Variants in C1QTNF6 observed in about 807,000 individuals in gnomAD.
The protein encoded by C1QTNF6 is complement C1q tumor necrosis factor-related protein 6.
A neutral mutation model predicts 20.7 loss-of-function variants in C1QTNF6; 17 were observed. The ratio of observed to expected loss-of-function variants is 0.82; its 90% CI spans 0.56 to 1.23. The LOEUF (loss-of-function observed/expected upper bound fraction) is 1.23. Ranked by LOEUF, C1QTNF6 falls within the 50% of genes most tolerant of loss-of-function variation. C1QTNF6 has a pLI of 0.00. For missense variants in C1QTNF6, 329 were observed against 389.7 expected, an observed-to-expected ratio of 0.84 and a Z score of 1.31; for synonymous variants, 130 against 156.3, an observed-to-expected ratio of 0.83 and a Z score of 1.25.
intron 1 of C1QTNF6, 200 bp from the exon 2 acceptor site, chr22:37,185,655 T>C: frequency 7.8e-7 from 1 of 1,285,634 alleles, no homozygotes; most frequent in Non-Finnish European, 9.8e-7. Context: ...GGGAGGAGAC[T>C]GGCAGGGCAG....
chr22:37,184,160 G>A lies in C1QTNF6; in HGVS notation c.289+1058C>T, dbSNP rs780847126. On this transcript the variant is annotated intron_variant, in intron 2 of 2. Coordinates refer to ENST00000337843, the MANE Select transcript of C1QTNF6 (RefSeq NM_031910.4). This position sits in a 1 kb window ranked among gnomAD's most constrained non-coding sequence, Gnocchi z 4.0. The stretch of plus-strand genomic sequence containing the variant: ...GGAGGGGGGTGTGAGGAAGAGCAAC[G>A]TCCTCACCACGAAATCAGAACAAGG... Among the ~76,000 whole-genome samples the A allele has an allele frequency of 5.9e-5, 9 of 152,108 alleles. No homozygotes were observed. Among genetic ancestry groups the A allele is most frequent in the East Asian group, 3.9e-4 (2 of 5,190 alleles).
rs775910598 is a variant in C1QTNF6 at position 37,185,335 on chromosome 22, G to C, written c.172C>G (p.Arg58Gly). Residue 58 changes from arginine to glycine, a missense_variant, in exon 2 of 3, where the codon CGG (arginine) becomes GGG (glycine). By Grantham distance (125) the Arg-to-Gly change is moderately radical. Coordinates refer to ENST00000337843, the MANE Select transcript of C1QTNF6 (RefSeq NM_031910.4). ...AGGGGGTCCTCAGAGTCACAGCACC[G>C]TTGGCAGCCGCTGGCCACAGCTCTG... ...FDRAVASGCQ[R>G]CCDSEDPLDP... 2 of 1,613,492 alleles carry C rather than the reference G, an allele frequency of 1.2e-6. No homozygotes were observed. Among genetic ancestry groups the C allele is most frequent in the Non-Finnish European group, 1.7e-6 (2 of 1,179,888 alleles).
intron 1 of C1QTNF6, 68 bp from the exon 2 acceptor site, chr22:37,185,523 T>C: frequency 6.8e-7 from 1 of 1,469,530 alleles, no homozygotes; most frequent in Non-Finnish European, 9.0e-7. Flanking sequence ...ATGCCTGGGG[T>C]GGGCGGGTGC....
chr22:37,186,701 T>C (rs1029198852), intron 1 of C1QTNF6, among the ~76,000 whole-genome samples: 1 of 152,244 alleles, frequency 6.6e-6, no homozygotes, highest in Non-Finnish European at 1.5e-5. Flanking sequence ...TTCTGGGGGC[T>C]GGTGCCGAGT....
Position 37,182,307 on chromosome 22 carries a change from A to AGCATCACACTCT in C1QTNF6, c.717_718insAGAGTGTGATGC (p.Ala239_Tyr240insArgValTer). ...AGCCGCACCCAGACGCGGTCCCCGT[A>AGCATCACACTCT]GGCCAGGTCCAGCATCACACTCTGG... is the stretch of plus-strand genomic sequence containing the variant. On this transcript the variant is annotated stop_gained and inframe_insertion, in exon 3 of 3. Coordinates refer to ENST00000337843, the MANE Select transcript of C1QTNF6 (RefSeq NM_031910.4). LOFTEE classifies it high-confidence loss of function. The AGCATCACACTCT allele has an allele frequency of 6.2e-7, 1 of 1,614,230 alleles. No homozygotes were observed. The highest frequency in any genetic ancestry group is 8.5e-7 in the Non-Finnish European group (1 of 1,180,038).
At chr22:37,197,044 G>A (rs1275688591) in intron 1 of C1QTNF6, 1 of 152,258 alleles carries the variant, frequency 6.6e-6, no homozygotes, top group Non-Finnish European at 1.5e-5. Flanking sequence ...TCACATGGCA[G>A]ACTACAATCC....
At chr22:37,187,056 T>C (rs4820270) in intron 1 of C1QTNF6, among the ~76,000 whole-genome samples, 1 of 151,828 alleles carries the variant, frequency 6.6e-6, no homozygotes, top group Non-Finnish European at 1.5e-5. Flanking sequence ...TCTCTATTTT[T>C]CAAAAATTAA....
upstream of C1QTNF6, chr22:37,188,323 G>GATGGAGA: frequency 1.2e-6 from 1 of 856,476 alleles, no homozygotes; most frequent in Non-Finnish European, 1.7e-6. Context: ...GAGGGCGGAG[G>GATGGAGA]GAGGGCGGAG....
At chr22:37,189,882 T>C (rs13054971), upstream of C1QTNF6, among the ~76,000 whole-genome samples, 20,223 of 152,184 alleles carry the variant, frequency 0.13, 1,574 homozygotes, top group Non-Finnish European at 0.19. Context: ...TCGGGTAAAA[T>C]GAGGCTGAGA....
At chr22:37,193,737 G>A (rs533306273) in intron 2 of C1QTNF6, among the ~76,000 whole-genome samples, 33 of 152,334 alleles carry the variant, frequency 2.2e-4, no homozygotes, top group African/African-American at 7.9e-4. Context: ...TCAAAGAGGT[G>A]ATAAGCAGTT....
rs1923676436 is a variant in C1QTNF6 at position 37,180,647 on chromosome 22, G to A, written c.*1541C>T. On this transcript the variant is annotated 3_prime_UTR_variant, in exon 3 of 3. Transcript: ENST00000337843. Reference sequence around the variant, plus strand: ...ACCCGGGCCTTAGCACCTTGATAAAGCCTGGAGAGTCGGGGCACTGGGCCG... The same window carrying A: ...ACCCGGGCCTTAGCACCTTGATAAAACCTGGAGAGTCGGGGCACTGGGCCG... 1 of 152,724 alleles carries A rather than the reference G, an allele frequency of 6.5e-6. No individual in the cohort carries two copies. The highest frequency in any genetic ancestry group is 2.1e-4 in the South Asian group (1 of 4,856). The allele number at this position is 152,724 out of a possible 1,614,324, so 9.5% of individuals were successfully genotyped here. A position where few individuals can be genotyped will look rare whatever the true frequency, so the allele number is the denominator to read the frequency against.
chr22:37,195,211 G>C (rs1925068982), intron 2 of C1QTNF6, among the ~76,000 whole-genome samples: 1 of 152,218 alleles, frequency 6.6e-6, no homozygotes, highest in Non-Finnish European at 1.5e-5. Flanking sequence ...ACATGACCGA[G>C]GGGGACCTCT....
Position 37,182,558 on chromosome 22 carries a change from C to T in C1QTNF6, c.467G>A (p.Ser156Asn), listed in dbSNP as rs1416335869. Residue 156 changes from serine (S) to asparagine (N), a missense_variant, in exon 3 of 3, where the codon AGC (serine) becomes AAC (asparagine). Ser to Asn is a conservative substitution (Grantham distance 46). Transcript: ENST00000337843. Reference protein sequence around the residue: ...FSVGRKTALHSGEDFQTLLFE... With the variant: ...FSVGRKTALHNGEDFQTLLFE... Reference sequence around the variant, plus strand: ...GAGCAGCGTCTGGAAGTCCTCGCCGCTGTGCAGGGCCGTCTTGCGGCCCAC... The same window carrying T: ...GAGCAGCGTCTGGAAGTCCTCGCCGTTGTGCAGGGCCGTCTTGCGGCCCAC... The T allele has an allele frequency of 1.9e-6, 3 of 1,614,192 alleles. No individual in the cohort carries two copies. The highest frequency in any genetic ancestry group is 2.5e-6 in the Non-Finnish European group (3 of 1,180,048).
At chr22:37,185,896 G>C (rs1342826844) in intron 1 of C1QTNF6, 2 of 987,162 alleles carry the variant, frequency 2.0e-6, no homozygotes, top group African/African-American at 1.7e-5. Flanking sequence ...TCTTGCCACC[G>C]ACTCCACTAT....
intron 2 of C1QTNF6, among the ~76,000 whole-genome samples, chr22:37,183,535 G>A (rs895567768): frequency 6.6e-6 from 1 of 152,236 alleles, no homozygotes; most frequent in Non-Finnish European, 1.5e-5. Context: ...GACCACCCAC[G>A]CCTGGAGGGA....
At chr22:37,192,615 C>T (rs141812297), upstream of C1QTNF6, among the ~76,000 whole-genome samples, 223 of 152,338 alleles carry the variant, frequency 1.5e-3, 2 homozygotes, top group African/African-American at 5.1e-3. Flanking sequence ...TTTAATGTTA[C>T]TGATAATCTT....
In C1QTNF6 at chr22:37,188,169, T is replaced by C; in HGVS notation, c.45A>G (p.Gly15=). The stretch of plus-strand genomic sequence containing the variant: ...GGAGCCTCTGGTCACTCACCCTGTG[T>C]CCTGTGGCCTCCCCAGGCGACTCAC... ...RVRESPGEAT[G]HRVTMGTAAL... is the part of the protein sequence containing the mutation. Residue 15 remains glycine (G), a synonymous_variant, in exon 1 of 3, where the codon GGA becomes GGG. Coordinates refer to ENST00000337843, the MANE Select transcript of C1QTNF6 (RefSeq NM_031910.4). 6.2e-7 allele frequency: 1 copy of C among 1,610,348 alleles called. No individual in the cohort carries two copies. The highest frequency in any genetic ancestry group is 8.5e-7 in the Non-Finnish European group (1 of 1,178,310).
intron 2 of C1QTNF6, among the ~76,000 whole-genome samples, chr22:37,193,914 G>GT (rs1924970554): frequency 6.6e-6 from 1 of 152,254 alleles, no homozygotes; most frequent in African/African-American, 2.4e-5. Flanking sequence ...GGTCCCCAGT[G>GT]TGAAGAGACA....
Position 37,182,601 on chromosome 22 carries a change from G to C in C1QTNF6, c.424C>G (p.Arg142Gly). 1 of 1,613,884 alleles carries C rather than the reference G, an allele frequency of 6.2e-7. No homozygotes were observed. The highest frequency in any genetic ancestry group is 1.3e-5 in the African/African-American group (1 of 75,068). ...MGSPGAPCQK[R>G]FFAFSVGRKT... ...CGGCCCACTGAGAAGGCGAAGAAGC[G>C]CTTCTGGCACGGGGCGCCGGGGCTG... The change falls in exon 3 of 3, where the codon CGC becomes GGC. Residue 142 changes from arginine to glycine, a missense_variant. Coordinates refer to ENST00000337843, the MANE Select transcript of C1QTNF6 (RefSeq NM_031910.4).
Sources: gnomAD v4.1 joint callset for allele counts (sites outside exome capture counted in the v4.1 genomes callset) on GRCh38, gnomAD v4.1.1 for gene constraint, Gnocchi (gnomAD v3.1) non-coding constraint, MANE v1.5 for transcripts, NCBI Gene and HGNC (gene_info 2026-07-23, HGNC 2026-07-21) for gene names.